Variants in ACY1 observed in about 807,000 individuals in gnomAD.
ACY1 encodes the protein aminoacylase 1.
Under a neutral mutation model 53.3 loss-of-function variants are expected in ACY1, and 38 were observed. The ratio of observed to expected loss-of-function variants is 0.71; its 90% CI spans 0.55 to 0.93. The LOEUF is 0.93. Ranked by LOEUF, ACY1 falls within the 40% of genes least tolerant of loss-of-function variation. The probability of loss-of-function intolerance (pLI) is 0.00; values close to 1 mark genes in which losing one functional copy is unlikely to be tolerated. For missense variants in ACY1, 484 were observed against 540.9 expected (o/e 0.89, Z 1.04); for synonymous variants, 177 against 202.1 (o/e 0.88, Z 1.05).
In ACY1 at chr3:51,985,350, A is replaced by C; in HGVS notation, c.160-11A>C. 1 of 1,614,110 alleles carries C rather than the reference A, an allele frequency of 6.2e-7. No individual in the cohort carries two copies. The highest frequency in any genetic ancestry group is 8.5e-7 in the Non-Finnish European group (1 of 1,179,994). On this transcript the variant is annotated splice_polypyrimidine_tract_variant and intron_variant, in intron 3 of 14. Transcript: ENST00000636358. ...CCTGCTCAGACCACCTACCCTCCTG[A>C]CCATCTCCAGGTGGCACCTGGCTAT...
chr3:51,986,374 C>T (rs373652323), intron 6 of ACY1, 41 bp from the exon 7 acceptor site: 72 of 347,242 alleles, frequency 2.1e-4, no homozygotes, highest in Middle Eastern at 4.0e-4. Flanking sequence ...GAGGGTGGGG[C>T]GGGGCAGCCT....
At chr3:51,987,996 G>A (rs1411030297) in intron 12 of ACY1, 2 of 310,758 alleles carry the variant, frequency 6.4e-6, no homozygotes, top group Admixed American at 9.5e-5. Flanking sequence ...CTCCAGAGTA[G>A]TTGGGATTAC....
chr3:51,986,014 A>AG, intron 5 of ACY1, 68 bp downstream of exon 5: 1 of 1,465,978 alleles, frequency 6.8e-7, no homozygotes, highest in Non-Finnish European at 9.4e-7. Flanking sequence ...GCAGGACCTG[A>AG]GGGGGTGATT....
Position 51,986,003 on chromosome 3 carries a change from A to C in ACY1, c.359+57A>C, listed in dbSNP as rs323892. The C allele has an allele frequency of 0.015, 23,227 of 1,514,116 alleles. 2,681 individuals are homozygous for C. In the African/African-American group the frequency reaches 0.26, roughly 17 times the overall value. The allele number at this position is 1,514,116 out of a possible 1,614,324, so 93.8% of individuals were successfully genotyped here. A position where few individuals can be genotyped will look rare whatever the true frequency, so the allele number is the denominator to read the frequency against. On this transcript the variant is annotated intron_variant, in intron 5 of 14. Transcript: ENST00000636358. ...TGTCCCCACTGGTCCAGTGGATTGA[A>C]GCAGGACCTGAGGGGGTGATTGGAG...
intron 2 of ACY1, 141 bp downstream of exon 2, chr3:51,984,299 C>A: frequency 2.6e-6 from 2 of 761,992 alleles, no homozygotes; most frequent in Non-Finnish European, 4.6e-6. Context: ...AGCCATTCCC[C>A]AAGTAAATAG....
chr3:51,983,974 G>A (rs2106825846), intron 1 of ACY1, 73 bp from the exon 2 acceptor site: 3 of 1,138,912 alleles, frequency 2.6e-6, no homozygotes, highest in Non-Finnish European at 4.0e-6. Context: ...GCCGCCGTGG[G>A]GACAGGCTGT....
Position 51,987,643 on chromosome 3 carries a change from T to C in ACY1, c.921+19T>C. The C allele has an allele frequency of 6.2e-7, 1 of 1,612,600 alleles. No individual in the cohort carries two copies. Among genetic ancestry groups the C allele is most frequent in the Non-Finnish European group, 8.5e-7 (1 of 1,179,066 alleles). On this transcript the variant is annotated intron_variant, in intron 12 of 14. Transcript: ENST00000636358. Reference sequence around the variant, plus strand: ...TGCTCAGGTATGGACTTGGGACATGTGATGGGAGAGTGTGGGAGCCGGGGG... The same window carrying C: ...TGCTCAGGTATGGACTTGGGACATGCGATGGGAGAGTGTGGGAGCCGGGGG...
chr3:51,987,117 A>G lies in ACY1; in HGVS notation c.658-30A>G, dbSNP rs375319041. 2.5e-6 allele frequency: 4 copies of G among 1,614,004 alleles called. No individual in the cohort carries two copies. In the African/African-American group the frequency reaches 5.3e-5, roughly 22 times the overall value. On this transcript the variant is annotated intron_variant, in intron 9 of 14. Coordinates refer to ENST00000636358, the MANE Select transcript of ACY1 (RefSeq NM_000666.3). Reference sequence around the variant, plus strand: ...GTTCAGGAGGCTCTATCCTGAGGCCACTGTCCCATTTAACCTCATATTCTC... The same window carrying G: ...GTTCAGGAGGCTCTATCCTGAGGCCGCTGTCCCATTTAACCTCATATTCTC...
chr3:51,985,610 A>G (rs1701028643), intron 4 of ACY1, 145 bp downstream of exon 4: 2 of 817,712 alleles, frequency 2.4e-6, no homozygotes, highest in Non-Finnish European at 3.9e-6. Context: ...ACACCACTCA[A>G]GCAGCCTTCA....
At chr3:51,987,692 G>C (rs754454344) in intron 12 of ACY1, 68 bp downstream of exon 12, 4 of 1,510,080 alleles carry the variant, frequency 2.6e-6, no homozygotes, top group Non-Finnish European at 2.7e-6. Context: ...CAACAGTGGA[G>C]TGTGTGCTTG....
Position 51,987,593 on chromosome 3 carries a change from C to CTG in ACY1, c.891_892dup (p.Gly298ValfsTer7). 6.2e-7 allele frequency: 1 copy of CTG among 1,614,146 alleles called. No individual in the cohort carries two copies. Among genetic ancestry groups the CTG allele is most frequent in the Non-Finnish European group, 8.5e-7 (1 of 1,180,014 alleles). Reference sequence around the variant, plus strand: ...CAGCTGCAGAGCTGGTGCCAGGCAGCTGGCGAGGGGGTCACCCTAGAGTTT... The same window carrying CTG: ...CAGCTGCAGAGCTGGTGCCAGGCAGCTGTGGCGAGGGGGTCACCCTAGAGTTT... On this transcript the variant is annotated frameshift_variant, in exon 12 of 15. Transcript: ENST00000636358. LOFTEE classifies it high-confidence loss of function.
chr3:51,986,096 G>A, intron 5 of ACY1, 150 bp downstream of exon 5: 3 of 1,068,404 alleles, frequency 2.8e-6, no homozygotes, highest in Non-Finnish European at 4.2e-6. Flanking sequence ...TGCATGGATA[G>A]GGAGATTCAG....
chr3:51,987,511 G>A, intron 11 of ACY1, 45 bp from the exon 12 acceptor site: 1 of 1,614,028 alleles, frequency 6.2e-7, no homozygotes, highest in African/African-American at 1.3e-5. Context: ...TTGTCCTAGA[G>A]GCCTCTGGAA....
At chr3:51,984,856 A>T (rs1404644010) in intron 2 of ACY1, 3 of 267,866 alleles carry the variant, frequency 1.1e-5, no homozygotes, top group Non-Finnish European at 1.4e-5. Context: ...AAAAAAACTT[A>T]GTGGCTGGGA....
rs746031558 is a variant in ACY1, at chr3:51,985,379, G to T, written c.178G>T (p.Val60Leu). 6.2e-7 allele frequency: 1 copy of T among 1,613,988 alleles called. No individual in the cohort carries two copies. The highest frequency in any genetic ancestry group is 1.3e-5 in the African/African-American group (1 of 74,888). The change falls in exon 4 of 15, where the codon GTG (valine) becomes TTG (leucine). Residue 60 changes from valine to leucine, a missense_variant. Physicochemically the swap from Val to Leu is conservative, Grantham distance 32. Transcript: ENST00000636358. ...TCTCCAGGTGGCACCTGGCTATGTGGTGACCGTGTTGACCTGGCCAGGCAC... is the reference window on the plus strand; with the variant it reads ...TCTCCAGGTGGCACCTGGCTATGTGTTGACCGTGTTGACCTGGCCAGGCAC... ...QKVEVAPGYV[V>L]TVLTWPGTNP...
In ACY1 at chr3:51,985,255, G is replaced by A; in HGVS notation, c.143G>A (p.Gly48Asp). The change falls in exon 3 of 15, where the codon GGC (glycine) becomes GAC (aspartate). Residue 48 changes from glycine (G) to aspartate (D), a missense_variant. Transcript: ENST00000636358. ...FEETARQLGLGCQKVEVAPGY... is the reference protein window; with the variant it reads ...FEETARQLGLDCQKVEVAPGY... ...GAGACAGCCCGCCAGCTGGGCCTGG[G>A]CTGTCAGAAAGTAGAGGTGAGCCTG... 1 of 1,609,960 alleles carries A rather than the reference G, an allele frequency of 6.2e-7. No individual in the cohort carries two copies. Among genetic ancestry groups the A allele is most frequent in the Middle Eastern group, 1.7e-4 (1 of 6,016 alleles).
chr3:51,983,729 C>A, intron 1 of ACY1, 140 bp downstream of exon 1: 2 of 373,668 alleles, frequency 5.4e-6, no homozygotes, highest in Non-Finnish European at 4.9e-6. Flanking sequence ...GGGGGGAGTA[C>A]AAGTCTGGGT....
At chr3:51,984,225 C>G in intron 2 of ACY1, 67 bp downstream of exon 2, 1 of 1,441,068 alleles carries the variant, frequency 6.9e-7, no homozygotes, top group Non-Finnish European at 9.7e-7. Flanking sequence ...TCTAAACCAG[C>G]CTCCAACCCC....
chr3:51,985,527 C>A, intron 4 of ACY1, 62 bp downstream of exon 4: 1 of 1,519,388 alleles, frequency 6.6e-7, no homozygotes, highest in Non-Finnish European at 9.1e-7. Context: ...ATGCAGACCC[C>A]AGGATTCAAC....
Sources: allele counts gnomAD v4.1 joint callset, GRCh38; gene constraint gnomAD v4.1.1; transcripts MANE v1.5; gene names NCBI Gene and HGNC (gene_info 2026-07-23, HGNC 2026-07-21).